Variants in EPM2A observed in about 807,000 individuals in gnomAD.
EPM2A encodes EPM2A glucan phosphatase, laforin, also known as laforin.
Under a neutral mutation model 26.5 loss-of-function variants are expected in EPM2A, and 21 were observed. The observed-to-expected ratio is 0.79, with a 90% CI of 0.56 to 1.14. EPM2A has a LOEUF of 1.14. EPM2A is among the 50% of genes most tolerant of loss of function. The pLI is 0.00. For missense variants in EPM2A, 458 were observed against 440.8 expected (o/e 1.04, Z -0.35); for synonymous variants, 217 against 177.6 (o/e 1.22, Z -1.76).
intron 4 of EPM2A, among the ~76,000 whole-genome samples, chr6:145,438,914 T>C (rs1582755725): frequency 1.8e-5 from 1 of 54,596 alleles, no homozygotes; most frequent in Non-Finnish European, 4.3e-5. Flanking sequence ...TAGTACCCAA[T>C]AGTTTTTTTC....
chr6:145,467,051 A>C (rs1054108016), intron 4 of EPM2A, among the ~76,000 whole-genome samples: 1 of 152,268 alleles, frequency 6.6e-6, no homozygotes, highest in Admixed American at 6.5e-5. Flanking sequence ...CTAGATGACG[A>C]GTTAGTGGGT....
intron 2 of EPM2A, among the ~76,000 whole-genome samples, chr6:145,565,086 T>C (rs1780865229): frequency 6.6e-6 from 1 of 152,184 alleles, no homozygotes; most frequent in Non-Finnish European, 1.5e-5. Flanking sequence ...CTCATCTAAA[T>C]TTTGACTTCT....
intron 2 of EPM2A, among the ~76,000 whole-genome samples, chr6:145,577,439 A>G (rs1781047711): frequency 6.6e-6 from 1 of 152,070 alleles, no homozygotes; most frequent in Non-Finnish European, 1.5e-5. Context: ...AAACTATGAA[A>G]AGAGACAAAA....
At chr6:145,725,644 T>G (rs1298432548) in intron 1 of EPM2A, among the ~76,000 whole-genome samples, 1 of 152,088 alleles carries the variant, frequency 6.6e-6, no homozygotes, top group African/African-American at 2.4e-5. Context: ...AATATATTGT[T>G]AAGTGACACA....
chr6:145,663,669 C>A (rs1470089830), intron 2 of EPM2A, among the ~76,000 whole-genome samples: 1 of 146,480 alleles, frequency 6.8e-6, no homozygotes, highest in African/African-American at 2.5e-5. Context: ...GAGAACGCCA[C>A]AAAGATACTC....
intron 4 of EPM2A, among the ~76,000 whole-genome samples, chr6:145,421,389 G>A (rs1778778578): frequency 6.6e-6 from 1 of 151,990 alleles, no homozygotes; most frequent in African/African-American, 2.4e-5. Flanking sequence ...AATGAAGGGA[G>A]TTTCCTACCA....
chr6:145,404,054 G>C (rs1778533318), intron 4 of EPM2A, among the ~76,000 whole-genome samples: 1 of 152,044 alleles, frequency 6.6e-6, no homozygotes. Flanking sequence ...TTTGCCATTT[G>C]TATGTCTTCT....
At chr6:145,610,846 A>T (rs1275210963) in intron 2 of EPM2A, among the ~76,000 whole-genome samples, 1 of 152,198 alleles carries the variant, frequency 6.6e-6, no homozygotes, top group African/African-American at 2.4e-5. Flanking sequence ...CTGAGCACTC[A>T]CTGTATCCTT....
At chr6:145,722,075 T>C (rs1401338565) in intron 1 of EPM2A, among the ~76,000 whole-genome samples, 1 of 152,216 alleles carries the variant, frequency 6.6e-6, no homozygotes, top group African/African-American at 2.4e-5. Flanking sequence ...TGGTAAATGA[T>C]GGAAGATCAG....
At chr6:145,704,065 C>T (rs1349301535) in intron 1 of EPM2A, among the ~76,000 whole-genome samples, 1 of 152,204 alleles carries the variant, frequency 6.6e-6, no homozygotes, top group Admixed American at 6.5e-5. Context: ...TAATTACCTA[C>T]ATCAAAGTAA....
At chr6:145,660,539 C>T (rs1478668310) in intron 2 of EPM2A, among the ~76,000 whole-genome samples, 4 of 152,190 alleles carry the variant, frequency 2.6e-5, no homozygotes, top group Admixed American at 6.5e-5. Flanking sequence ...CGGTAGCTCA[C>T]GCCTGTAGTC....
intron 4 of EPM2A, among the ~76,000 whole-genome samples, chr6:145,494,503 T>C (rs535518565): frequency 6.6e-6 from 1 of 152,328 alleles, no homozygotes; most frequent in East Asian, 1.9e-4. Flanking sequence ...GATCTGATAT[T>C]GGTTATTTCT....
At chr6:145,531,261 T>C (rs1421275655) in intron 2 of EPM2A, among the ~76,000 whole-genome samples, 1 of 152,152 alleles carries the variant, frequency 6.6e-6, no homozygotes, top group Non-Finnish European at 1.5e-5. Context: ...TGGTGTTGAC[T>C]CAAAGCCTTT....
chr6:145,438,887 C>T (rs1278198857), intron 4 of EPM2A, among the ~76,000 whole-genome samples: 1 of 151,778 alleles, frequency 6.6e-6, no homozygotes, highest in Non-Finnish European at 1.5e-5. Context: ...ATTATTTTAT[C>T]AAGCAGGTAC....
intron 4 of EPM2A, among the ~76,000 whole-genome samples, chr6:145,446,121 GATGTA>G (rs1252769521): frequency 2.6e-5 from 4 of 152,182 alleles, no homozygotes; most frequent in Non-Finnish European, 4.4e-5. Context: ...AGCCACCTTG[GATGTA>G]CAGCCCAGTA....
rs560261175 is a variant in EPM2A, at chr6:145,666,123, C to G, written c.476+19999G>C. Among the ~76,000 whole-genome samples, 6 of 147,256 alleles carry G rather than the reference C, an allele frequency of 4.1e-5. No homozygotes were observed. The South Asian group carries it at 1.3e-3, about 32-fold the overall frequency. On this transcript the variant is annotated intron_variant, in intron 2 of 3. Transcript: ENST00000367519. ...CTGGCACAAGACAGGGATGCCCTCT[C>G]TCACCGCTCCTATTCCATAGTGTTG...
At chr6:145,556,149 T>G (rs1436649733) in intron 2 of EPM2A, among the ~76,000 whole-genome samples, 1 of 152,192 alleles carries the variant, frequency 6.6e-6, no homozygotes, top group Admixed American at 6.5e-5. Flanking sequence ...ATGACTGTAT[T>G]TTTAAGAAAT....
downstream of EPM2A, chr6:145,625,154 A>G (rs2128554555): frequency 1.3e-5 from 2 of 152,932 alleles, no homozygotes; most frequent in Middle Eastern, 6.8e-3. Flanking sequence ...GTAACTGCCA[A>G]TTTTGATCGT....
rs535559847 is a variant in EPM2A at position 145,628,338 on chromosome 6, A to G, written c.719-645T>C. ...ATTTTATAATTTGGGGTTTACTTCAAGGTTACCATTTTGATTATTAGATTA... is the reference window on the plus strand; with the variant it reads ...ATTTTATAATTTGGGGTTTACTTCAGGGTTACCATTTTGATTATTAGATTA... On this transcript the variant is annotated intron_variant, in intron 3 of 3. Coordinates refer to ENST00000367519, the MANE Select transcript of EPM2A (RefSeq NM_005670.4). The G allele has an allele frequency of 1.9e-4, 29 of 154,234 alleles. 1 individual carries two copies. Among genetic ancestry groups the G allele is most frequent in the African/African-American group, 6.3e-4 (26 of 41,560 alleles). 9.6% of individuals were successfully genotyped at this position (154,234 alleles called of 1,614,324 possible).
Sources: allele counts gnomAD v4.1 joint callset (sites outside exome capture counted in the v4.1 genomes callset), GRCh38; gene constraint gnomAD v4.1.1; transcripts MANE v1.5; gene names NCBI Gene and HGNC (gene_info 2026-07-23, HGNC 2026-07-21).